BCAS3: variants seen among roughly 807,000 people sequenced by gnomAD.
The protein encoded by BCAS3 is BCAS3 microtubule associated cell migration factor.
BCAS3 carries 53 observed loss-of-function variants against 116.1 expected under a neutral mutation model. The observed-to-expected ratio is 0.46, with a 90% CI of 0.37 to 0.57. The LOEUF (loss-of-function observed/expected upper bound fraction) is 0.57, where lower values mean the gene tolerates loss of function less well. Ranked by LOEUF, BCAS3 falls within the 20% of genes least tolerant of loss-of-function variation. The probability of loss-of-function intolerance (pLI) is 0.00; values close to 1 mark genes in which losing one functional copy is unlikely to be tolerated. For synonymous variants in BCAS3, 391 were observed against 408.2 expected (o/e 0.96, Z 0.51); for missense variants, 917 against 1,165.4 (o/e 0.79, Z 3.10).
Position 60,964,517 on chromosome 17 carries a change from A to G in BCAS3, c.1221+17165A>G, listed in dbSNP as rs2061562912. Among the ~76,000 whole-genome samples, 1 of 152,022 alleles carries G rather than the reference A, an allele frequency of 6.6e-6. No individual in the cohort carries two copies. Among genetic ancestry groups the G allele is most frequent in the African/African-American group, 2.4e-5 (1 of 41,398 alleles). Reference sequence around the variant, plus strand: ...TTTCTTTTCTTGTTGTCGTGTCCTTATCTGATTTTACTGTCAAGGTAATGC... The same window carrying G: ...TTTCTTTTCTTGTTGTCGTGTCCTTGTCTGATTTTACTGTCAAGGTAATGC... On this transcript the variant is annotated intron_variant, in intron 14 of 23. Coordinates refer to ENST00000407086, the MANE Select transcript of BCAS3 (RefSeq NM_017679.5). This position sits in a 1 kb window ranked among gnomAD's most constrained non-coding sequence, Gnocchi z 4.6.
chr17:61,175,249 A>G (rs2079069653), intron 22 of BCAS3, among the ~76,000 whole-genome samples: 1 of 152,160 alleles, frequency 6.6e-6, no homozygotes, highest in Non-Finnish European at 1.5e-5. Flanking sequence ...TCTGTAAAAA[A>G]TATAAAGATT....
chr17:61,335,191 A>G (rs1362112156), intron 22 of BCAS3, among the ~76,000 whole-genome samples: 2 of 152,180 alleles, frequency 1.3e-5, no homozygotes, highest in Non-Finnish European at 2.9e-5. Flanking sequence ...TGCTTCCACT[A>G]AAGTCCGCAG....
intron 19 of BCAS3, among the ~76,000 whole-genome samples, chr17:61,066,457 GTACTGGATACAGATATT>G (rs1191686446): frequency 6.6e-6 from 1 of 152,106 alleles, no homozygotes; most frequent in Non-Finnish European, 1.5e-5. Context: ...AAATGAAATG[GTACTGGATACAGATATT>G]TTTATTTTTA....
intron 22 of BCAS3, among the ~76,000 whole-genome samples, chr17:61,218,215 G>A (rs1432478832): frequency 3.3e-5 from 5 of 152,180 alleles, no homozygotes; most frequent in Non-Finnish European, 7.3e-5. Flanking sequence ...CTCTACTGCC[G>A]CATTCCAAGG....
At chr17:60,979,267 T>C (rs2062632325) in intron 14 of BCAS3, among the ~76,000 whole-genome samples, 1 of 149,346 alleles carries the variant, frequency 6.7e-6, no homozygotes, top group Non-Finnish European at 1.5e-5. Flanking sequence ...TTGAAGCAAT[T>C]GTGAATGGGA....
Position 61,128,674 on chromosome 17 carries a change from C to T in BCAS3, c.2425+44110C>T. ...CTCTTTTGTATTGTTTCTGCATCGTCCTGTCAAACATCTGGAAACCAGCAT... is the reference window on the plus strand; with the variant it reads ...CTCTTTTGTATTGTTTCTGCATCGTTCTGTCAAACATCTGGAAACCAGCAT... On this transcript the variant is annotated intron_variant, in intron 22 of 23. Coordinates refer to ENST00000407086, the MANE Select transcript of BCAS3 (RefSeq NM_017679.5). The surrounding 1 kb of genome is among the most constrained non-coding windows in gnomAD (Gnocchi z 4.1). 1 of 870,368 alleles carries T rather than the reference C, an allele frequency of 1.1e-6. No individual in the cohort carries two copies. The highest frequency in any genetic ancestry group is 1.4e-6 in the Non-Finnish European group (1 of 725,278). The allele number at this position is 870,368 out of a possible 1,614,324, so 53.9% of individuals were successfully genotyped here.
chr17:61,154,774 C>T lies in BCAS3; in HGVS notation c.2425+70210C>T, dbSNP rs146132798. Among the ~76,000 whole-genome samples the T allele has an allele frequency of 3.8e-3, 579 of 152,140 alleles. 4 individuals are homozygous for T. Among genetic ancestry groups the T allele is most frequent in the African/African-American group, 0.013 (559 of 41,498 alleles). On this transcript the variant is annotated intron_variant, in intron 22 of 23. Coordinates refer to ENST00000407086, the MANE Select transcript of BCAS3 (RefSeq NM_017679.5). ...GGGATTTTGTTCTTGAGAACTAAAA[C>T]GTGACTTCTGTTAATCATCAGAATA...
intron 14 of BCAS3, among the ~76,000 whole-genome samples, chr17:60,958,875 A>G (rs909284647): frequency 6.6e-6 from 1 of 152,252 alleles, no homozygotes; most frequent in East Asian, 1.9e-4. Context: ...GTGCAAAGAT[A>G]CAAAGTGGAG....
chr17:61,374,404 C>G (rs1027079849), intron 23 of BCAS3, among the ~76,000 whole-genome samples: 1 of 152,154 alleles, frequency 6.6e-6, no homozygotes, highest in Non-Finnish European at 1.5e-5. Flanking sequence ...CTCCTGACCT[C>G]AAGTGATCTG....
chr17:61,077,671 A>C lies in BCAS3; in HGVS notation c.2131-662A>C, dbSNP rs1381538670. On this transcript the variant is annotated intron_variant, in intron 20 of 23. Transcript: ENST00000407086. This position sits in a 1 kb window ranked among gnomAD's most constrained non-coding sequence, Gnocchi z 4.3. ...TTTGTGGCAGTTGAGAAAACACACT[A>C]ATTAATGGTATTTGGAAGACAAAAA... is the stretch of plus-strand genomic sequence containing the variant. 6.6e-6 allele frequency among the ~76,000 whole-genome samples: 1 copy of C among 152,224 alleles called. No homozygotes were observed. The highest frequency in any genetic ancestry group is 2.4e-5 in the African/African-American group (1 of 41,466).
intron 7 of BCAS3, among the ~76,000 whole-genome samples, chr17:60,834,064 A>G (rs1045199605): frequency 2.8e-4 from 42 of 152,130 alleles, no homozygotes; most frequent in African/African-American, 9.9e-4. Context: ...CAGGAAAGAG[A>G]AATTATACTA....
intron 8 of BCAS3, among the ~76,000 whole-genome samples, chr17:60,870,597 T>C (rs114780697): frequency 1.3e-5 from 2 of 152,182 alleles, no homozygotes; most frequent in Non-Finnish European, 2.9e-5. Flanking sequence ...AGAACACTTA[T>C]CGCTCCTCCA....
At chr17:60,747,116 A>G (rs2042071607) in intron 5 of BCAS3, 82 bp from the exon 6 acceptor site, 1 of 925,184 alleles carries the variant, frequency 1.1e-6, no homozygotes, top group African/African-American at 1.6e-5. Context: ...ATTGTTATAA[A>G]ATTTAGAAGA....
intron 13 of BCAS3, among the ~76,000 whole-genome samples, chr17:60,932,796 G>A (rs2059727629): frequency 1.3e-5 from 2 of 149,444 alleles, no homozygotes; most frequent in Admixed American, 1.3e-4. Context: ...TATATTGGGA[G>A]TGATACATGA....
chr17:61,045,907 ATATATTTATATATAT>A, intron 19 of BCAS3, among the ~76,000 whole-genome samples: 1 of 31,204 alleles, frequency 3.2e-5, no homozygotes, highest in East Asian at 1.2e-3. Context: ...ATATATAAAT[ATATATTTATATATAT>A]AATATATATA....
intron 15 of BCAS3, among the ~76,000 whole-genome samples, chr17:61,010,432 T>A (rs1295403527): frequency 6.6e-6 from 1 of 151,908 alleles, no homozygotes; most frequent in Non-Finnish European, 1.5e-5. Context: ...CCTGTAGATA[T>A]CCTTTATCCA....
At position 61,222,016 on chromosome 17, in the gene BCAS3, CTGA is replaced by C. The variant is rs2082138850; in HGVS notation, c.2425+137454_2425+137456del. 6.6e-6 allele frequency among the ~76,000 whole-genome samples: 1 copy of C among 152,152 alleles called. No homozygotes were observed. Among genetic ancestry groups the C allele is most frequent in the African/African-American group, 2.4e-5 (1 of 41,434 alleles). On this transcript the variant is annotated intron_variant, in intron 22 of 23. Transcript: ENST00000407086. The surrounding 1 kb of genome is among the most constrained non-coding windows in gnomAD (Gnocchi z 6.1). Reference sequence around the variant, plus strand: ...CACACGGTGACGTGCTTAACAGGGGCTGATATTACTATTACTATTAAGAATACA... The same window carrying C: ...CACACGGTGACGTGCTTAACAGGGGCTATTACTATTACTATTAAGAATACA...
chr17:60,975,924 C>T (rs1320991830), intron 14 of BCAS3, among the ~76,000 whole-genome samples: 4 of 147,576 alleles, frequency 2.7e-5, no homozygotes, highest in Non-Finnish European at 3.0e-5. Context: ...GGATATATGA[C>T]ATTTTGTTTA....
At chr17:61,322,306 G>A (rs1226065181) in intron 22 of BCAS3, among the ~76,000 whole-genome samples, 1 of 152,226 alleles carries the variant, frequency 6.6e-6, no homozygotes, top group South Asian at 2.1e-4. Flanking sequence ...CTCAAATGCA[G>A]GGGACCTGCT....
Sources: gnomAD v4.1 joint callset for allele counts (sites outside exome capture counted in the v4.1 genomes callset) on GRCh38, gnomAD v4.1.1 for gene constraint, Gnocchi (gnomAD v3.1) non-coding constraint, MANE v1.5 for transcripts, NCBI Gene and HGNC (gene_info 2026-07-23, HGNC 2026-07-21) for gene names.